The following RBFOX1 variants were observed in gnomAD, a reference collection of about 807,000 sequenced individuals.
RBFOX1 encodes the protein RNA binding fox-1 homolog 1.
In RBFOX1, 8 loss-of-function variants were observed where a neutral mutation model predicts 57.7. The observed-to-expected ratio is 0.14, with a 90% CI of 0.08 to 0.25. RBFOX1 has a LOEUF of 0.25. Ranked by LOEUF, RBFOX1 falls within the 10% of genes least tolerant of loss-of-function variation. The pLI is 1.00. For missense variants in RBFOX1, 611 were observed against 548.5 expected, an observed-to-expected ratio of 1.11 and a Z score of -1.14; for synonymous variants, 326 against 222.4, an observed-to-expected ratio of 1.47 and a Z score of -4.15.
chr16:7,134,017 G>T (rs370083103), intron 4 of RBFOX1, among the ~76,000 whole-genome samples: 18 of 152,300 alleles, frequency 1.2e-4, no homozygotes, highest in African/African-American at 4.1e-4. Context: ...TTTGAAGTGT[G>T]ATACTGTGCT....
chr16:6,304,094 G>C (rs996446908), intron 1 of RBFOX1, among the ~76,000 whole-genome samples: 7 of 151,260 alleles, frequency 4.6e-5, no homozygotes, highest in African/African-American at 1.7e-4. Context: ...ACAGGTGTGA[G>C]CCACTGCGCC....
chr16:6,066,528 A>C (rs1400181799), intron 1 of RBFOX1, among the ~76,000 whole-genome samples: 2 of 152,114 alleles, frequency 1.3e-5, no homozygotes, highest in East Asian at 3.9e-4. Context: ...GTATTTTTCA[A>C]CAGTAGTCCA....
intron 1 of RBFOX1, among the ~76,000 whole-genome samples, chr16:5,265,581 C>G (rs914363657): frequency 3.3e-5 from 5 of 152,144 alleles, no homozygotes; most frequent in Middle Eastern, 3.2e-3. Context: ...CAATAAAATG[C>G]TGATCAATAT....
intron 3 of RBFOX1, among the ~76,000 whole-genome samples, chr16:6,825,193 G>C (rs7188969): frequency 0.28 from 42,114 of 148,680 alleles, 6,344 homozygotes; most frequent in East Asian, 0.48. Context: ...CTTGTGGGGG[G>C]GCTGACGTGT....
At chr16:7,122,245 C>G (rs1004566604) in intron 4 of RBFOX1, among the ~76,000 whole-genome samples, 3 of 151,904 alleles carry the variant, frequency 2.0e-5, no homozygotes, top group Non-Finnish European at 2.9e-5. Flanking sequence ...ATTTGTAAAC[C>G]ACTCTTGACA....
chr16:6,094,267 G>A (rs1306581734), intron 1 of RBFOX1, among the ~76,000 whole-genome samples: 2 of 152,132 alleles, frequency 1.3e-5, no homozygotes, highest in Non-Finnish European at 1.5e-5. Context: ...CATTCCCTGA[G>A]CCACCGTTCC....
intron 3 of RBFOX1, among the ~76,000 whole-genome samples, chr16:7,046,573 C>T (rs965417231): frequency 6.8e-6 from 1 of 147,918 alleles, no homozygotes; most frequent in East Asian, 2.0e-4. Context: ...CCACGTATGC[C>T]TCTTTGTTTC....
Position 7,703,609 on chromosome 16 carries a change from A to G in RBFOX1, c.996-5447A>G, listed in dbSNP as rs151171417. ...AAATTATGTTAAAACCCTGGTGTGG[A>G]GTACCAACATGGGCCCATTGTATCT... On this transcript the variant is annotated intron_variant, in intron 14 of 15. Transcript: ENST00000550418. 5.9e-5 allele frequency among the ~76,000 whole-genome samples: 9 copies of G among 152,320 alleles called. No homozygotes were observed. The East Asian group carries it at 1.5e-3, about 26-fold the overall frequency.
chr16:6,145,905 C>G (rs1237838155), intron 1 of RBFOX1, among the ~76,000 whole-genome samples: 1 of 152,176 alleles, frequency 6.6e-6, no homozygotes, highest in Non-Finnish European at 1.5e-5. Flanking sequence ...GGTATTTTGA[C>G]TGATTTTTCA....
intron 2 of RBFOX1, among the ~76,000 whole-genome samples, chr16:5,473,221 C>T (rs530772259): frequency 9.3e-4 from 141 of 152,166 alleles, no homozygotes; most frequent in Non-Finnish European, 1.7e-3. Flanking sequence ...AATATATGCT[C>T]CCCAAGAAAT....
At chr16:6,433,368 C>T (rs956927756) in intron 2 of RBFOX1, among the ~76,000 whole-genome samples, 2 of 152,224 alleles carry the variant, frequency 1.3e-5, no homozygotes, top group African/African-American at 2.4e-5. Flanking sequence ...TTCCACCAGA[C>T]ACTGTAGAGC....
chr16:6,634,072 CACACATACACACACACAT>C (rs992593459), intron 2 of RBFOX1, among the ~76,000 whole-genome samples: 16 of 145,782 alleles, frequency 1.1e-4, no homozygotes, highest in African/African-American at 2.8e-4. Flanking sequence ...AACCTACACA[CACACATACACACACACAT>C]ACACATACAC....
At chr16:5,551,074 A>G (rs7194738) in intron 2 of RBFOX1, among the ~76,000 whole-genome samples, 52,356 of 152,078 alleles carry the variant, frequency 0.34, 9,815 homozygotes, top group East Asian at 0.74. Context: ...TACCCACTGC[A>G]TGGTTCTTAC....
intron 2 of RBFOX1, among the ~76,000 whole-genome samples, chr16:6,511,223 A>G (rs1390579883): frequency 6.6e-6 from 1 of 152,142 alleles, no homozygotes; most frequent in Non-Finnish European, 1.5e-5. Context: ...TGATACTCTG[A>G]TACTCAGATG....
chr16:7,384,422 T>C (rs894760766), intron 4 of RBFOX1, among the ~76,000 whole-genome samples: 9 of 152,182 alleles, frequency 5.9e-5, no homozygotes, highest in Non-Finnish European at 2.9e-5. Context: ...CCTGGTATTT[T>C]GGTTCTTGAA....
At chr16:5,622,862 A>C (rs2048239591) in intron 3 of RBFOX1, among the ~76,000 whole-genome samples, 1 of 152,218 alleles carries the variant, frequency 6.6e-6, no homozygotes, top group South Asian at 2.1e-4. Flanking sequence ...GTCTGAACCC[A>C]ACATGTGCAG....
intron 1 of RBFOX1, among the ~76,000 whole-genome samples, chr16:6,140,556 C>A (rs867351689): frequency 6.6e-6 from 1 of 152,104 alleles, no homozygotes; most frequent in Non-Finnish European, 1.5e-5. Flanking sequence ...TTCACATTCC[C>A]AAGTATCCTC....
intron 1 of RBFOX1, among the ~76,000 whole-genome samples, chr16:6,228,252 G>C (rs2097432125): frequency 6.6e-6 from 1 of 152,130 alleles, no homozygotes; most frequent in East Asian, 1.9e-4. Flanking sequence ...GAACCTGGGA[G>C]GCAGAGGTTG....
intron 14 of RBFOX1, among the ~76,000 whole-genome samples, chr16:7,703,124 C>T (rs1459959106): frequency 6.6e-6 from 1 of 152,098 alleles, no homozygotes; most frequent in Non-Finnish European, 1.5e-5. Flanking sequence ...ACAGTTGGTG[C>T]CCTGTTGCTA....
Sources: gnomAD v4.1 joint callset for allele counts (sites outside exome capture counted in the v4.1 genomes callset) on GRCh38, gnomAD v4.1.1 for gene constraint, MANE v1.5 for transcripts, NCBI Gene and HGNC (gene_info 2026-07-23, HGNC 2026-07-21) for gene names.